The following FMN2 variants were observed in gnomAD, a reference collection of about 807,000 sequenced individuals.
The protein encoded by FMN2 is formin-2.
A neutral mutation model predicts 142.3 loss-of-function variants in FMN2; 51 were observed. That is an observed-to-expected ratio of 0.36 (90% confidence interval 0.29 to 0.45). FMN2 has a LOEUF of 0.45. Among genes scored for constraint, FMN2 ranks in the 20% least tolerant of loss-of-function variants. FMN2 has a pLI of 1.00. For missense variants in FMN2, 1,936 were observed against 2,122.8 expected, an observed-to-expected ratio of 0.91 and a Z score of 1.73; for synonymous variants, 882 against 869.8, an observed-to-expected ratio of 1.01 and a Z score of -0.25.
intron 7 of FMN2, chr1:240,285,324 A>T: frequency 2.2e-6 from 1 of 455,168 alleles, no homozygotes; most frequent in Non-Finnish European, 4.4e-6. Flanking sequence ...AAGCAGATGG[A>T]GGCTCCGTCA....
chr1:240,371,485 G>T (rs1046121801), intron 14 of FMN2, among the ~76,000 whole-genome samples: 5 of 151,908 alleles, frequency 3.3e-5, no homozygotes, highest in Admixed American at 2.0e-4. Context: ...AGTTTTTTTT[G>T]AAGAAAAGTC....
Position 240,329,488 on chromosome 1 carries a change from G to C in FMN2, c.4437+20G>C, listed in dbSNP as rs535892554. 1.2e-6 allele frequency: 2 copies of C among 1,607,538 alleles called. No individual in the cohort carries two copies. The highest frequency in any genetic ancestry group is 1.7e-6 in the Non-Finnish European group (2 of 1,178,196). ...TGTGAGGTGAGTTCTGGTCCAAAGAGAGCTGAACTTGAGTCTCATTTAATT... is the reference window on the plus strand; with the variant it reads ...TGTGAGGTGAGTTCTGGTCCAAAGACAGCTGAACTTGAGTCTCATTTAATT... On this transcript the variant is annotated intron_variant, in intron 10 of 17. Transcript: ENST00000319653.
intron 15 of FMN2, among the ~76,000 whole-genome samples, chr1:240,437,292 C>CTTTTTTTT (rs10649766): frequency 8.5e-5 from 10 of 117,394 alleles, no homozygotes; most frequent in East Asian, 2.9e-4. Context: ...GCATCTCTTG[C>CTTTTTTTT]TTTTTTTTTT....
intron 13 of FMN2, among the ~76,000 whole-genome samples, chr1:240,347,680 C>CT (rs1234356311): frequency 2.0e-5 from 3 of 152,094 alleles, no homozygotes; most frequent in Non-Finnish European, 2.9e-5. Context: ...TTTTTCAGCT[C>CT]TTTCCCCCTC....
At chr1:240,158,933 A>G (rs1358218089) in intron 2 of FMN2, among the ~76,000 whole-genome samples, 3 of 152,162 alleles carry the variant, frequency 2.0e-5, no homozygotes, top group African/African-American at 7.2e-5. Flanking sequence ...CCTTCTACAT[A>G]ATATTTATAT....
intron 3 of FMN2, among the ~76,000 whole-genome samples, chr1:240,186,042 G>C (rs1342455811): frequency 6.6e-6 from 1 of 152,126 alleles, no homozygotes; most frequent in East Asian, 1.9e-4. Context: ...ATATTTATCT[G>C]GGAAAATGGT....
intron 16 of FMN2, among the ~76,000 whole-genome samples, chr1:240,462,063 A>G (rs1483589658): frequency 2.0e-5 from 3 of 152,228 alleles, no homozygotes; most frequent in Non-Finnish European, 4.4e-5. Context: ...ACATAACTGT[A>G]TATAAAGTCA....
intron 4 of FMN2, among the ~76,000 whole-genome samples, chr1:240,199,119 C>T (rs892138210): frequency 7.0e-6 from 1 of 143,048 alleles, no homozygotes; most frequent in African/African-American, 2.7e-5. Flanking sequence ...AACAAACAAA[C>T]AAAAAACAAT....
intron 2 of FMN2, among the ~76,000 whole-genome samples, chr1:240,148,572 A>C (rs1663619108): frequency 6.6e-6 from 1 of 152,194 alleles, no homozygotes; most frequent in Non-Finnish European, 1.5e-5. Flanking sequence ...TTTTTGGTGG[A>C]ATTAACACCA....
chr1:240,449,828 T>C (rs944047607), intron 16 of FMN2, among the ~76,000 whole-genome samples: 20 of 152,260 alleles, frequency 1.3e-4, no homozygotes, highest in Admixed American at 7.8e-4. Context: ...CATAAGGTTA[T>C]ACAAAGTGAT....
intron 8 of FMN2, among the ~76,000 whole-genome samples, chr1:240,328,167 A>AGAAAG (rs959668955): frequency 7.1e-6 from 1 of 141,170 alleles, no homozygotes; most frequent in African/African-American, 2.7e-5. Flanking sequence ...AAAAAAAAAA[A>AGAAAG]AAAAAGAAAA....
chr1:240,253,922 A>G (rs944894836), intron 6 of FMN2, among the ~76,000 whole-genome samples: 11 of 152,068 alleles, frequency 7.2e-5, no homozygotes, highest in African/African-American at 2.7e-4. Context: ...AGTGGAGGTC[A>G]TGGTAAAGTT....
At chr1:240,127,359 A>G (rs959500311) in intron 2 of FMN2, among the ~76,000 whole-genome samples, 4 of 150,418 alleles carry the variant, frequency 2.7e-5, no homozygotes, top group Non-Finnish European at 4.4e-5. Flanking sequence ...GGCATGAGCC[A>G]CCATACCTGG....
At position 240,093,591 on chromosome 1, in the gene FMN2, C is replaced by A; in HGVS notation, c.1482C>A (p.Pro494=). The change falls in exon 1 of 18, where the codon CCC becomes CCA. Residue 494 remains proline, a synonymous_variant. Coordinates refer to ENST00000319653, the MANE Select transcript of FMN2 (RefSeq NM_020066.5). ...DWTEELGART[P]RVGGSAHLLE... ...CGGAGGAGCTAGGCGCCCGCACGCC[C>A]CGGGTGGGAGGCTCCGCGCACCTGC... 6.9e-7 allele frequency: 1 copy of A among 1,444,694 alleles called. No homozygotes were observed. The highest frequency in any genetic ancestry group is 9.0e-7 in the Non-Finnish European group (1 of 1,109,226). The allele number at this position is 1,444,694 out of a possible 1,614,324, so 89.5% of individuals were successfully genotyped here.
intron 2 of FMN2, among the ~76,000 whole-genome samples, chr1:240,132,223 G>C (rs1662769573): frequency 6.6e-6 from 1 of 152,086 alleles, no homozygotes; most frequent in South Asian, 2.1e-4. Flanking sequence ...TGATTATTTG[G>C]GACTTTATGG....
chr1:240,394,932 C>T (rs1411151724), intron 15 of FMN2, among the ~76,000 whole-genome samples: 1 of 152,172 alleles, frequency 6.6e-6, no homozygotes, highest in African/African-American at 2.4e-5. Flanking sequence ...CGCGCCACTG[C>T]ACTCCAGCCT....
intron 7 of FMN2, among the ~76,000 whole-genome samples, chr1:240,271,506 A>G (rs1263690104): frequency 2.0e-5 from 3 of 151,090 alleles, no homozygotes; most frequent in African/African-American, 7.3e-5. Context: ...TTTTTTTTAA[A>G]GTGTTTTCCT....
intron 6 of FMN2, among the ~76,000 whole-genome samples, chr1:240,213,728 G>A (rs1253369257): frequency 2.0e-5 from 3 of 152,220 alleles, no homozygotes; most frequent in Non-Finnish European, 4.4e-5. Flanking sequence ...TACAATGGAA[G>A]CTGGAAGTTC....
intron 15 of FMN2, among the ~76,000 whole-genome samples, chr1:240,396,729 A>G (rs1428126645): frequency 1.3e-5 from 2 of 152,096 alleles, no homozygotes; most frequent in Admixed American, 6.6e-5. Flanking sequence ...TCTTGCGTTA[A>G]TTCTCTTAGG....
Sources: allele counts gnomAD v4.1 joint callset (sites outside exome capture counted in the v4.1 genomes callset), GRCh38; gene constraint gnomAD v4.1.1; transcripts MANE v1.5; gene names NCBI Gene and HGNC (gene_info 2026-07-23, HGNC 2026-07-21).